The following PRELID2 variants were observed in gnomAD, a reference collection of about 807,000 sequenced individuals.
PRELID2 encodes the protein PRELI domain-containing protein 2.
A neutral mutation model predicts 28.4 loss-of-function variants in PRELID2; 25 were observed. The ratio of observed to expected loss-of-function variants is 0.88; its 90% confidence interval spans 0.64 to 1.23. The LOEUF (loss-of-function observed/expected upper bound fraction) is 1.23, where lower values mean the gene tolerates loss of function less well. PRELID2 is among the 50% of genes most tolerant of loss of function. The probability of loss-of-function intolerance (pLI) is 0.00; values close to 1 mark genes in which losing one functional copy is unlikely to be tolerated. For missense variants in PRELID2, 201 were observed against 214.4 expected, an observed-to-expected ratio of 0.94 and a Z score of 0.39; for synonymous variants, 76 against 71.6, an observed-to-expected ratio of 1.06 and a Z score of -0.31.
intron 1 of PRELID2, among the ~76,000 whole-genome samples, chr5:145,748,244 T>C (rs1757045336): frequency 1.3e-5 from 2 of 152,230 alleles, no homozygotes; most frequent in Admixed American, 6.5e-5. Context: ...GACATGATTT[T>C]ATGTTTAGCG....
the PRELID2 span, among the ~76,000 whole-genome samples, chr5:145,364,584 T>C: frequency 1.3e-5 from 2 of 151,950 alleles, no homozygotes; most frequent in African/African-American, 2.4e-5. Context: ...TTGTTAGATA[T>C]CAAATAAATG....
chr5:145,557,632 G>GGGA (rs1752891113), intron 1 of PRELID2, among the ~76,000 whole-genome samples: 1 of 152,180 alleles, frequency 6.6e-6, no homozygotes. Context: ...TAGTTGCAGG[G>GGGA]GGAGTCAGAT....
chr5:145,766,260 T>TA (rs1757754714), intron 5 of PRELID2, among the ~76,000 whole-genome samples: 1 of 152,010 alleles, frequency 6.6e-6, no homozygotes, highest in African/African-American at 2.4e-5. Flanking sequence ...AAGGGGAACT[T>TA]AAAATACAGA....
At chr5:145,710,629 T>C (rs1366514082) in intron 1 of PRELID2, among the ~76,000 whole-genome samples, 2 of 152,196 alleles carry the variant, frequency 1.3e-5, no homozygotes, top group Non-Finnish European at 2.9e-5. Context: ...AATCCAGACA[T>C]AGCATAAGTG....
chr5:145,530,489 C>T (rs114871527), intron 1 of PRELID2, among the ~76,000 whole-genome samples: 1 of 151,814 alleles, frequency 6.6e-6, no homozygotes, highest in Non-Finnish European at 1.5e-5. Context: ...GGAGTTAGTC[C>T]AAAGGAAATT....
chr5:145,260,566 T>A, the PRELID2 span, among the ~76,000 whole-genome samples: 528 of 152,300 alleles, frequency 3.5e-3, 7 homozygotes, highest in Middle Eastern at 0.01. Flanking sequence ...TTCTAAAAAA[T>A]TTTTTATGTT....
At chr5:145,319,680 AAAATAAAT>A in the PRELID2 span, among the ~76,000 whole-genome samples, 5,781 of 144,518 alleles carry the variant, frequency 0.04, 260 homozygotes, top group African/African-American at 0.11. Context: ...CTCCATCTCA[AAAATAAAT>A]AAATAAATAA....
Position 145,536,466 on chromosome 5 carries a change from A to T in PRELID2, n.71-63151T>A, listed in dbSNP as rs114760376. ...ACAACGAGTTCAAAATGCAGCTGCCAAGAACTCTCAACCTTGCACTACTGG... is the reference window on the plus strand; with the variant it reads ...ACAACGAGTTCAAAATGCAGCTGCCTAGAACTCTCAACCTTGCACTACTGG... On this transcript the variant is annotated intron_variant and non_coding_transcript_variant, in intron 1 of 2. Transcript: ENST00000510259. Among the ~76,000 whole-genome samples, 991 of 152,070 alleles carry T rather than the reference A, an allele frequency of 6.5e-3. 16 individuals are homozygous for T. The highest frequency in any genetic ancestry group is 0.022 in the African/African-American group (927 of 41,530).
chr5:145,537,252 AC>A (rs777904376), intron 1 of PRELID2, among the ~76,000 whole-genome samples: 10 of 151,848 alleles, frequency 6.6e-5, no homozygotes, highest in Admixed American at 1.3e-4. Context: ...AAGAAAGGGA[AC>A]CAAAAAATAT....
the PRELID2 span, among the ~76,000 whole-genome samples, chr5:145,312,530 C>A: frequency 6.6e-6 from 1 of 152,148 alleles, no homozygotes; most frequent in Non-Finnish European, 1.5e-5. Flanking sequence ...CACCCTCAGC[C>A]CTTGGTAACC....
chr5:145,645,600 C>T (rs1448572003), intron 1 of PRELID2, among the ~76,000 whole-genome samples: 5 of 151,716 alleles, frequency 3.3e-5, no homozygotes, highest in African/African-American at 1.2e-4. Flanking sequence ...TTATTTTGCC[C>T]GTTAGTTGAT....
chr5:145,671,007 G>A (rs1754695336), intron 1 of PRELID2, among the ~76,000 whole-genome samples: 1 of 152,094 alleles, frequency 6.6e-6, no homozygotes, highest in African/African-American at 2.4e-5. Context: ...GCATAAAATG[G>A]GGATAATGAT....
chr5:145,507,296 C>T (rs1470492352), intron 1 of PRELID2, among the ~76,000 whole-genome samples: 1 of 152,056 alleles, frequency 6.6e-6, no homozygotes, highest in Non-Finnish European at 1.5e-5. Context: ...GAATCAAGTT[C>T]TAGCAGTGTA....
intron 1 of PRELID2, among the ~76,000 whole-genome samples, chr5:145,492,036 C>G (rs1752274143): frequency 6.6e-6 from 1 of 152,128 alleles, no homozygotes; most frequent in South Asian, 2.1e-4. Flanking sequence ...ATACTGATTT[C>G]CCTTCCTTTG....
chr5:145,300,935 G>A, the PRELID2 span, among the ~76,000 whole-genome samples: 1 of 151,938 alleles, frequency 6.6e-6, no homozygotes, highest in Non-Finnish European at 1.5e-5. Flanking sequence ...ATTCAGAGAA[G>A]TGTAGCTTCT....
At chr5:145,606,983 T>G (rs766387735) in intron 1 of PRELID2, among the ~76,000 whole-genome samples, 3 of 152,132 alleles carry the variant, frequency 2.0e-5, no homozygotes, top group Non-Finnish European at 2.9e-5. Context: ...GGTCATATGA[T>G]TCCAGGAATG....
At chr5:145,638,872 T>C (rs1754047698) in intron 1 of PRELID2, among the ~76,000 whole-genome samples, 1 of 152,204 alleles carries the variant, frequency 6.6e-6, no homozygotes, top group Non-Finnish European at 1.5e-5. Flanking sequence ...GTAATGAAAA[T>C]TGGTGTAGAC....
chr5:145,658,017 C>T (rs182408427), intron 1 of PRELID2, among the ~76,000 whole-genome samples: 36 of 152,256 alleles, frequency 2.4e-4, no homozygotes, highest in Admixed American at 2.4e-3. Flanking sequence ...TACCAAATCA[C>T]ACAGTCAGTG....
chr5:145,725,459 T>C (rs1050275708), intron 1 of PRELID2, among the ~76,000 whole-genome samples: 15 of 152,200 alleles, frequency 9.9e-5, no homozygotes, highest in Non-Finnish European at 5.9e-5. Context: ...AACTTAAATA[T>C]ATGTCTGCTG....
Sources: allele counts gnomAD v4.1 joint callset (sites outside exome capture counted in the v4.1 genomes callset), GRCh38; gene constraint gnomAD v4.1.1; transcripts MANE v1.5; gene names NCBI Gene and HGNC (gene_info 2026-07-23, HGNC 2026-07-21).